ARHGEF11: variants seen among roughly 807,000 people sequenced by gnomAD.
ARHGEF11 encodes Rho guanine exchange factor (GEF) 11.
In ARHGEF11, 55 loss-of-function variants were observed where a neutral mutation model predicts 193.7. The ratio of observed to expected loss-of-function variants is 0.28; its 90% CI spans 0.23 to 0.36. ARHGEF11 has a LOEUF of 0.36. Ranked by LOEUF, ARHGEF11 falls within the 10% of genes least tolerant of loss-of-function variation. ARHGEF11 has a pLI of 1.00. For missense variants in ARHGEF11, 1,723 were observed against 2,005.6 expected (o/e 0.86, Z 2.69); for synonymous variants, 693 against 768.0 (o/e 0.90, Z 1.62).
chr1:156,956,643 C>A, intron 18 of ARHGEF11, 79 bp from the exon 19 acceptor site: 1 of 1,580,160 alleles, frequency 6.3e-7, no homozygotes, highest in Non-Finnish European at 8.6e-7. Context: ...CACCACCACG[C>A]AGTGGAGTGG....
intron 10 of ARHGEF11, 39 bp downstream of exon 10, chr1:156,969,243 A>T: frequency 1.4e-5 from 22 of 1,546,496 alleles, no homozygotes; most frequent in Non-Finnish European, 1.9e-5. Context: ...GGGACCCCGA[A>T]TGCACGTTCT....
Position 156,937,553 on chromosome 1 carries a change from C to G in ARHGEF11, c.4193-57G>C, listed in dbSNP as rs1367769298. 9 of 1,490,844 alleles carry G rather than the reference C, an allele frequency of 6.0e-6. No individual in the cohort carries two copies. The African/African-American group carries it at 1.0e-4, about 16-fold the overall frequency. The allele number at this position is 1,490,844 out of a possible 1,614,324, so 92.4% of individuals were successfully genotyped here. A position where few individuals can be genotyped will look rare whatever the true frequency, so the allele number is the denominator to read the frequency against. ...GGCAAACAGAGAAGTCGAAGCTATC[C>G]TCCCGTTCCTGTGGGATTCCCCAGC... On this transcript the variant is annotated intron_variant, in intron 38 of 40. Transcript: ENST00000368194.
At position 156,959,148 on chromosome 1, in the gene ARHGEF11, G is replaced by A. The variant is rs1240318535; in HGVS notation, c.1283-6C>T. 42 of 1,613,676 alleles carry A rather than the reference G, an allele frequency of 2.6e-5. No homozygotes were observed. The highest frequency in any genetic ancestry group is 3.5e-5 in the Non-Finnish European group (41 of 1,179,780). ...GCTGTTCCGCAGGCGCGAGTCTGTA[G>A]TGGGAGATCAGAGAAAGCAGAGTGG... On this transcript the variant is annotated splice_region_variant and splice_polypyrimidine_tract_variant and intron_variant, in intron 15 of 40. Coordinates refer to ENST00000368194, the MANE Select transcript of ARHGEF11 (RefSeq NM_198236.3).
In ARHGEF11 at chr1:156,946,738, C is replaced by A; in HGVS notation, c.2618G>T (p.Cys873Phe). 3.7e-6 allele frequency: 6 copies of A among 1,614,228 alleles called. No homozygotes were observed. The highest frequency in any genetic ancestry group is 5.1e-6 in the Non-Finnish European group (6 of 1,180,042). Residue 873 changes from cysteine (C) to phenylalanine (F), a missense_variant, in exon 28 of 41, where the codon TGT becomes TTT. Physicochemically the swap from Cys to Phe is radical, Grantham distance 205. Around this residue, in one of 5 missense-constraint regions of ARHGEF11, gnomAD observed 491 missense variants for 654.5 expected, o/e 0.75. Coordinates refer to ENST00000368194, the MANE Select transcript of ARHGEF11 (RefSeq NM_198236.3). The stretch of plus-strand genomic sequence containing the variant: ...CTCTAGGGCTATTGACTGATAGGAA[C>A]AGAACTGTGCAGCCACTTGCTGGAG... Reference protein sequence around the residue: ...EELQQVAAQFCSYQSIALELI... With the variant: ...EELQQVAAQFFSYQSIALELI...
chr1:157,036,541 C>CAA (rs2103057328), intron 1 of ARHGEF11, among the ~76,000 whole-genome samples: 1 of 152,034 alleles, frequency 6.6e-6, no homozygotes, highest in East Asian at 2.0e-4. Flanking sequence ...AGGCTGGTCT[C>CAA]AAACGCCTCA....
intron 20 of ARHGEF11, among the ~76,000 whole-genome samples, chr1:156,955,440 A>G (rs1659809803): frequency 6.6e-6 from 1 of 152,172 alleles, no homozygotes; most frequent in Non-Finnish European, 1.5e-5. Flanking sequence ...AATGTTTCTC[A>G]CGTGGTCGTT....
At position 156,946,678 on chromosome 1, in the gene ARHGEF11, A is replaced by G; in HGVS notation, c.2678T>C (p.Phe893Ser). 1 of 1,614,204 alleles carries G rather than the reference A, an allele frequency of 6.2e-7. No individual in the cohort carries two copies. Among genetic ancestry groups the G allele is most frequent in the Non-Finnish European group, 8.5e-7 (1 of 1,180,034 alleles). Residue 893 changes from phenylalanine to serine, a missense_variant, in exon 28 of 41, where the codon TTC becomes TCC. Physicochemically the swap from Phe to Ser is radical, Grantham distance 155 (BLOSUM62 -2). Coordinates refer to ENST00000368194, the MANE Select transcript of ARHGEF11 (RefSeq NM_198236.3). ...AGGACGCACCTGCATGAAGAGCTGG[A>G]ATCGACTCTCCTTGCGTTGCTTGGT... ...IKTKQRKESR[F>S]QLFMQEAESH...
intron 1 of ARHGEF11, among the ~76,000 whole-genome samples, chr1:157,021,502 G>A (rs1669977242): frequency 6.6e-6 from 1 of 152,182 alleles, no homozygotes; most frequent in African/African-American, 2.4e-5. Flanking sequence ...GTCATGTAAT[G>A]AGAGCATTAA....
At chr1:156,984,188 A>AT in intron 3 of ARHGEF11, 151 bp downstream of exon 3, 1 of 569,704 alleles carries the variant, frequency 1.8e-6, no homozygotes, top group Non-Finnish European at 3.0e-6. Context: ...GGGGCTTAGC[A>AT]TTGAAGAGGC....
chr1:156,969,526 C>A (rs1166106758), intron 9 of ARHGEF11, among the ~76,000 whole-genome samples, 168 bp from the exon 10 acceptor site: 1 of 152,160 alleles, frequency 6.6e-6, no homozygotes, highest in Non-Finnish European at 1.5e-5. Flanking sequence ...CGGACACTTC[C>A]CGGCACACCT....
chr1:156,971,704 C>A lies in ARHGEF11; in HGVS notation c.695G>T (p.Gly232Val). The change falls in exon 8 of 41, where the codon GGC (glycine) becomes GTC (valine). Residue 232 changes from glycine to valine, a missense_variant. Around this residue, in one of 5 missense-constraint regions of ARHGEF11, gnomAD observed 646 missense variants for 710.7 expected, o/e 0.91. Transcript: ENST00000368194. ...TGTGCCTACATCACTCACCACTGAG[C>A]CACCAGTCTCCTGCTGGATCTTCAG... is the stretch of plus-strand genomic sequence containing the variant. ...LQLKIQQETG[G>V]SVDILPLYGD... The A allele has an allele frequency of 1.2e-6, 2 of 1,613,792 alleles. No individual in the cohort carries two copies. The highest frequency in any genetic ancestry group is 1.1e-5 in the South Asian group (1 of 91,022).
At chr1:156,940,458 G>A (rs1157774357) in intron 35 of ARHGEF11, 33 bp from the exon 36 acceptor site, 1 of 1,571,988 alleles carries the variant, frequency 6.4e-7, no homozygotes, top group East Asian at 2.3e-5. Context: ...GTAAGGCAGG[G>A]AAAGGGAGAG....
At chr1:156,966,725 G>A (rs1260655171) in intron 11 of ARHGEF11, among the ~76,000 whole-genome samples, 1 of 152,126 alleles carries the variant, frequency 6.6e-6, no homozygotes, top group African/African-American at 2.4e-5. Flanking sequence ...ATTAACCCAG[G>A]AAAAATTTCA....
chr1:156,946,855 C>A lies in ARHGEF11; in HGVS notation c.2569-68G>T, dbSNP rs911534669. On this transcript the variant is annotated intron_variant, in intron 27 of 40. Transcript: ENST00000368194. ...GCCTGGGACCAGACCCCTGCCTTTG[C>A]CAAATTCTCTGGCCTTGGGTAATGA... is the stretch of plus-strand genomic sequence containing the variant. 3.1e-6 allele frequency: 5 copies of A among 1,613,366 alleles called. No individual in the cohort carries two copies. In the Admixed American group the frequency reaches 8.3e-5, roughly 27 times the overall value.
intron 7 of ARHGEF11, among the ~76,000 whole-genome samples, chr1:156,976,750 A>T (rs1332516266): frequency 6.6e-6 from 1 of 152,022 alleles, no homozygotes; most frequent in Non-Finnish European, 1.5e-5. Flanking sequence ...GTACATATTC[A>T]CTATCCTAAT....
chr1:157,030,606 TAC>T (rs779723418), intron 1 of ARHGEF11, among the ~76,000 whole-genome samples: 7 of 152,138 alleles, frequency 4.6e-5, no homozygotes, highest in Non-Finnish European at 7.4e-5. Context: ...CCTTAAGAAT[TAC>T]ACATTTTTAC....
intron 1 of ARHGEF11, among the ~76,000 whole-genome samples, chr1:157,011,115 A>G (rs1163923284): frequency 6.6e-6 from 1 of 152,234 alleles, no homozygotes; most frequent in African/African-American, 2.4e-5. Flanking sequence ...ACAGTAAGCA[A>G]GTCAGTATGC....
At chr1:157,005,318 C>T (rs905361807) in intron 1 of ARHGEF11, among the ~76,000 whole-genome samples, 10 of 152,098 alleles carry the variant, frequency 6.6e-5, no homozygotes, top group Non-Finnish European at 7.4e-5. Context: ...TAATGTTGAC[C>T]GCCTTCAGAG....
chr1:157,035,889 A>T, intron 1 of ARHGEF11, among the ~76,000 whole-genome samples: 1 of 50,124 alleles, frequency 2.0e-5, no homozygotes, highest in Non-Finnish European at 4.2e-5. Context: ...AGGAATATAT[A>T]TAGGAATATA....
Sources: allele counts gnomAD v4.1 joint callset (sites outside exome capture counted in the v4.1 genomes callset), GRCh38; gene constraint gnomAD v4.1.1; regional missense constraint gnomAD v4.1.1; transcripts MANE v1.5; gene names NCBI Gene and HGNC (gene_info 2026-07-23, HGNC 2026-07-21).